The following CRHR1 variants were observed in gnomAD, a reference collection of about 807,000 sequenced individuals.
The protein encoded by CRHR1 is corticotropin-releasing hormone receptor 1.
In CRHR1, 28 loss-of-function variants were observed where a neutral mutation model predicts 56.0. The observed-to-expected ratio is 0.50, with a 90% CI of 0.37 to 0.69. The LOEUF is 0.69. CRHR1 is among the 30% of genes least tolerant of loss of function. The pLI is 0.00. For synonymous variants in CRHR1, 195 were observed against 216.5 expected (o/e 0.90, Z 0.87); for missense variants, 376 against 548.0 (o/e 0.69, Z 3.13).
At chr17:45,820,705 G>C (rs576228281) in intron 3 of CRHR1, among the ~76,000 whole-genome samples, 35 of 150,260 alleles carry the variant, frequency 2.3e-4, no homozygotes, top group African/African-American at 7.7e-4. Context: ...CATCATGGAT[G>C]TTCCCCCCAC....
At chr17:45,786,367 G>A (rs2061336404) in intron 1 of CRHR1, among the ~76,000 whole-genome samples, 1 of 152,000 alleles carries the variant, frequency 6.6e-6, no homozygotes, top group Non-Finnish European at 1.5e-5. Flanking sequence ...AGCGAATGCT[G>A]GTTTCAAACG....
intron 1 of CRHR1, chr17:45,799,857 TG>T (rs1165159247): frequency 6.6e-6 from 1 of 152,380 alleles, no homozygotes; most frequent in Non-Finnish European, 1.5e-5. Flanking sequence ...GAACCTGCCA[TG>T]GTGCTCCAGG....
intron 1 of CRHR1, among the ~76,000 whole-genome samples, chr17:45,797,665 A>G (rs2061546683): frequency 6.6e-6 from 1 of 152,024 alleles, no homozygotes; most frequent in East Asian, 1.9e-4. Context: ...CCATTTACAG[A>G]TGGGGAAAAT....
intron 1 of CRHR1, among the ~76,000 whole-genome samples, chr17:45,792,475 T>A (rs1424862460): frequency 6.6e-6 from 1 of 152,172 alleles, no homozygotes; most frequent in Non-Finnish European, 1.5e-5. Context: ...TCCTCACTCC[T>A]GGCCCTCTGC....
intron 4 of CRHR1, chr17:45,826,491 T>G (rs1026910398): frequency 6.6e-6 from 1 of 152,276 alleles, no homozygotes; most frequent in Non-Finnish European, 1.5e-5. Context: ...CAGGCCCGAC[T>G]GCTCAGGGAG....
intron 1 of CRHR1, among the ~76,000 whole-genome samples, chr17:45,797,213 G>A (rs1218064864): frequency 6.6e-6 from 1 of 151,558 alleles, no homozygotes; most frequent in African/African-American, 2.4e-5. Flanking sequence ...GCAAAGTTGA[G>A]TAACAGAGTG....
intron 4 of CRHR1, chr17:45,826,044 C>A (rs2062154543): frequency 6.6e-6 from 1 of 152,372 alleles, no homozygotes; most frequent in African/African-American, 2.4e-5. Flanking sequence ...CACGCTGTGC[C>A]ACCCTCCTTA....
In CRHR1 at chr17:45,796,632, G is replaced by A. The variant is rs375399577; in HGVS notation, c.34-10378G>A. Among the ~76,000 whole-genome samples the A allele has an allele frequency of 1.4e-4, 22 of 152,334 alleles. No homozygotes were observed. The South Asian group carries it at 4.4e-3, about 30-fold the overall frequency. On this transcript the variant is annotated intron_variant, in intron 1 of 12. Coordinates refer to ENST00000314537, the MANE Select transcript of CRHR1 (RefSeq NM_004382.5). The stretch of plus-strand genomic sequence containing the variant: ...ACCCTGGGTAAGTTACTGTCTCCGG[G>A]TGCACCAGTCTCTCGTTTGAACAGT...
chr17:45,802,079 C>T (rs1271420948), intron 1 of CRHR1, among the ~76,000 whole-genome samples: 4 of 151,920 alleles, frequency 2.6e-5, no homozygotes, highest in African/African-American at 9.7e-5. Flanking sequence ...AATCCCAGCA[C>T]TTTGGGAGGC....
At chr17:45,796,752 TGAAGAAAGAAAGAAG>T (rs1001524512) in intron 1 of CRHR1, among the ~76,000 whole-genome samples, 34 of 150,978 alleles carry the variant, frequency 2.3e-4, no homozygotes, top group African/African-American at 2.9e-4. Context: ...CAGTAAAGGC[TGAAGAAAGAAAGAAG>T]GAAGAAAGAA....
chr17:45,829,898 G>T (rs576412386), intron 5 of CRHR1, among the ~76,000 whole-genome samples, 196 bp from the exon 6 acceptor site: 2 of 152,242 alleles, frequency 1.3e-5, no homozygotes, highest in African/African-American at 4.8e-5. Flanking sequence ...TTATGTCTGG[G>T]TGGGCTGCAG....
chr17:45,833,665 G>C, intron 10 of CRHR1, 49 bp from the exon 11 acceptor site: 1 of 1,607,470 alleles, frequency 6.2e-7, no homozygotes, highest in African/African-American at 1.3e-5. Flanking sequence ...CGGGCAGCCC[G>C]TCCTGGGGTG....
chr17:45,806,470 G>A (rs2061721150), intron 1 of CRHR1, among the ~76,000 whole-genome samples: 1 of 152,224 alleles, frequency 6.6e-6, no homozygotes, highest in African/African-American at 2.4e-5. Flanking sequence ...GGCACAATTT[G>A]TGATGACGGA....
chr17:45,797,898 TC>T (rs1441883109), intron 1 of CRHR1, among the ~76,000 whole-genome samples: 2 of 152,172 alleles, frequency 1.3e-5, no homozygotes, highest in Admixed American at 1.3e-4. Context: ...AGGTGACTTC[TC>T]TACCATCACG....
At chr17:45,823,607 G>A (rs556877126) in intron 4 of CRHR1, among the ~76,000 whole-genome samples, 2 of 152,178 alleles carry the variant, frequency 1.3e-5, no homozygotes, top group East Asian at 1.9e-4. Context: ...GTCAGAGCCC[G>A]GAACCCAGGG....
At chr17:45,815,718 C>G (rs889795117) in intron 2 of CRHR1, among the ~76,000 whole-genome samples, 2 of 152,310 alleles carry the variant, frequency 1.3e-5, no homozygotes, top group East Asian at 3.9e-4. Flanking sequence ...GGGCAAGTGA[C>G]TTGCCTATGA....
intron 2 of CRHR1, among the ~76,000 whole-genome samples, chr17:45,813,563 G>A (rs1002006900): frequency 6.6e-6 from 1 of 152,350 alleles, no homozygotes; most frequent in African/African-American, 2.4e-5. Context: ...GGGCCAGGAG[G>A]GAGGGGGAGG....
Position 45,833,716 on chromosome 17 carries a change from A to T in CRHR1, c.932A>T (p.Lys311Met). ...CCTCCCCACCCGCCCCACCCCAGGA[A>T]GGCTGTGAAAGCCACTCTGGTGCTG... ...STTSETIQYR[K>M]AVKATLVLLP... Residue 311 changes from lysine (K) to methionine (M), a missense_variant and splice_region_variant, in exon 11 of 13, where the codon AAG becomes ATG. Physicochemically the swap from Lys to Met is moderately conservative, Grantham distance 95. Coordinates refer to ENST00000314537, the MANE Select transcript of CRHR1 (RefSeq NM_004382.5). The T allele has an allele frequency of 3.5e-6, 2 of 570,402 alleles. No individual in the cohort carries two copies. Among genetic ancestry groups the T allele is most frequent in the East Asian group, 5.6e-5 (1 of 17,804 alleles). The allele number at this position is 570,402 out of a possible 1,614,324, so 35.3% of individuals were successfully genotyped here.
In CRHR1 at chr17:45,829,999, C is replaced by T. The variant is rs9944474; in HGVS notation, c.435-95C>T. The T allele has an allele frequency of 1.2e-3, 1,821 of 1,563,666 alleles. 17 individuals are homozygous for T. In the African/African-American group the frequency reaches 0.022, roughly 19 times the overall value. On this transcript the variant is annotated intron_variant, in intron 5 of 12. Transcript: ENST00000314537. Reference sequence around the variant, plus strand: ...CAGCCCCACCCTGTGCCTCAGTTTCCTCATCTACACATCTGGGCTGGGGTG... The same window carrying T: ...CAGCCCCACCCTGTGCCTCAGTTTCTTCATCTACACATCTGGGCTGGGGTG...
Sources: gnomAD v4.1 joint callset for allele counts (sites outside exome capture counted in the v4.1 genomes callset) on GRCh38, gnomAD v4.1.1 for gene constraint, MANE v1.5 for transcripts, NCBI Gene and HGNC (gene_info 2026-07-23, HGNC 2026-07-21) for gene names.